FLT4: variants seen among roughly 807,000 people sequenced by gnomAD.
FLT4 encodes the protein vascular endothelial growth factor receptor 3.
FLT4 carries 30 observed loss-of-function variants against 163.2 expected under a neutral mutation model. The ratio of observed to expected loss-of-function variants is 0.18; its 90% CI spans 0.14 to 0.25. The LOEUF (loss-of-function observed/expected upper bound fraction) is 0.25, where lower values mean the gene tolerates loss of function less well. FLT4 is among the 10% of genes least tolerant of loss of function. The probability of loss-of-function intolerance (pLI) is 1.00; values close to 1 mark genes in which losing one functional copy is unlikely to be tolerated. For synonymous variants in FLT4, 884 were observed against 789.5 expected (o/e 1.12, Z -2.01); for missense variants, 1,510 against 1,863.8 (o/e 0.81, Z 3.50).
Position 180,630,282 on chromosome 5 carries a change from G to A in FLT4, c.456C>T (p.Asp152=), listed in dbSNP as rs369161830. 31 of 1,612,502 alleles carry A rather than the reference G, an allele frequency of 1.9e-5. No homozygotes were observed. In the African/African-American group the frequency reaches 2.1e-4, roughly 11 times the overall value. The change falls in exon 4 of 30, where the codon GAC becomes GAT. Residue 152 remains aspartate, a synonymous_variant. Transcript: ENST00000261937. This position sits in a 1 kb window ranked among gnomAD's most constrained non-coding sequence, Gnocchi z 6.3. ...ACACCAGACAGGGCACCCACATGGC[G>A]TCCTTCCTGTTGACCAAGAGCGTGT... The part of the protein sequence containing the change: ...KPDTLLVNRK[D]AMWVPCLVSI...
rs1763109832 is a variant in FLT4, at chr5:180,621,133, C to T, written c.2140G>A (p.Asp714Asn). The T allele has an allele frequency of 6.2e-7, 1 of 1,612,844 alleles. No homozygotes were observed. Among genetic ancestry groups the T allele is most frequent in the Non-Finnish European group, 8.5e-7 (1 of 1,180,000 alleles). ...GACTTTTCCTCCAGCAGCCTCTCGT[C>T]TTTGTACCACACGATGCTGGGCGCG... ...AHAPSIVWYK[D>N]ERLLEEKSGV... Residue 714 changes from aspartate (D) to asparagine (N), a missense_variant, in exon 14 of 30, where the codon GAC becomes AAC. Asp to Asn is a conservative substitution (Grantham distance 23, BLOSUM62 1). Coordinates refer to ENST00000261937, the MANE Select transcript of FLT4 (RefSeq NM_182925.5).
chr5:180,642,890 A>G (rs1765231310), intron 1 of FLT4, among the ~76,000 whole-genome samples: 2 of 152,184 alleles, frequency 1.3e-5, no homozygotes, highest in South Asian at 2.1e-4. Context: ...GCAAGCGTGC[A>G]CCGAGCACTG....
chr5:180,646,773 C>T (rs1765514612), intron 1 of FLT4, among the ~76,000 whole-genome samples: 1 of 152,152 alleles, frequency 6.6e-6, no homozygotes, highest in Non-Finnish European at 1.5e-5. Context: ...AGGCTCCTTC[C>T]CTGGGTCGGG....
chr5:180,605,843 A>T (rs965367770), intron 29 of FLT4, among the ~76,000 whole-genome samples: 3 of 152,216 alleles, frequency 2.0e-5, no homozygotes, highest in African/African-American at 7.2e-5. Flanking sequence ...GTGAAAAGCC[A>T]CATCTATAGG....
At chr5:180,650,039 A>T (rs1436037087), upstream of FLT4, among the ~76,000 whole-genome samples, 3 of 151,042 alleles carry the variant, frequency 2.0e-5, no homozygotes, top group East Asian at 5.9e-4. Context: ...ATAAAATAAT[A>T]CGCCGAGCTT....
intron 10 of FLT4, 125 bp downstream of exon 10, chr5:180,625,744 A>T: frequency 1.1e-6 from 1 of 893,256 alleles, no homozygotes; most frequent in Non-Finnish European, 1.8e-6. Flanking sequence ...TCAAGTTCAG[A>T]GCAGGGCCCT....
chr5:180,629,662 G>T, intron 6 of FLT4, 34 bp downstream of exon 6: 10 of 1,604,846 alleles, frequency 6.2e-6, no homozygotes, highest in Non-Finnish European at 8.5e-6. Context: ...GGACTCCTGG[G>T]GACAGGACAG....
chr5:180,626,487 CA>C (rs1763627347), intron 8 of FLT4, among the ~76,000 whole-genome samples: 1 of 152,186 alleles, frequency 6.6e-6, no homozygotes, highest in Admixed American at 6.5e-5. Context: ...CCGGCTCGGG[CA>C]TTGGTCACTG....
chr5:180,630,611 T>C lies in FLT4; in HGVS notation c.344A>G (p.Tyr115Cys), dbSNP rs1764034351. 1.2e-6 allele frequency: 2 copies of C among 1,612,978 alleles called. No individual in the cohort carries two copies. The highest frequency in any genetic ancestry group is 3.3e-5 in the Admixed American group (2 of 60,012). Residue 115 changes from tyrosine (Y) to cysteine (C), a missense_variant, in exon 3 of 30, where the codon TAC becomes TGC. Coordinates refer to ENST00000261937, the MANE Select transcript of FLT4 (RefSeq NM_182925.5). The surrounding 1 kb of genome is among the most constrained non-coding windows in gnomAD (Gnocchi z 6.3). ...GGTGCCCTCGATGCGTGCCTTGATGTACTTGTAGTAGCAGACGTAGCTGCC... is the reference window on the plus strand; with the variant it reads ...GGTGCCCTCGATGCGTGCCTTGATGCACTTGTAGTAGCAGACGTAGCTGCC... ...DTGSYVCYYKYIKARIEGTTA... is the reference protein window; with the variant it reads ...DTGSYVCYYKCIKARIEGTTA...
Position 180,605,666 on chromosome 5 carries a change from T to C in FLT4, c.3894-2276A>G, listed in dbSNP as rs894034463. ...CATATCTTTGGCATCTCAAGTTCCT[T>C]TGAGCACATTCTTCCTTCTGAAGGC... On this transcript the variant is annotated intron_variant, in intron 29 of 29. Transcript: ENST00000261937. Among the ~76,000 whole-genome samples, 62 of 152,222 alleles carry C rather than the reference T, an allele frequency of 4.1e-4. 2 individuals are homozygous for C. Among genetic ancestry groups the C allele is most frequent in the African/African-American group, 1.4e-3 (57 of 41,462 alleles).
chr5:180,629,291 C>A lies in FLT4; in HGVS notation c.953G>T (p.Arg318Leu). Residue 318 changes from arginine (R) to leucine (L), a missense_variant, in exon 7 of 30, where the codon CGA (arginine) becomes CTA (leucine). This residue lies in a region of FLT4 where 163 missense variants were observed against 281.1 expected (regional missense o/e 0.58). Coordinates refer to ENST00000261937, the MANE Select transcript of FLT4 (RefSeq NM_182925.5). ...AATGACCTCGGTGCTCTCCCGAAAT[C>A]GCTGGATGCCGTTGTTGGCCTTGCA... ...YVCKANNGIQ[R>L]FRESTEVIVH... 6.2e-7 allele frequency: 1 copy of A among 1,613,266 alleles called. No homozygotes were observed. The highest frequency in any genetic ancestry group is 2.2e-5 in the East Asian group (1 of 44,882).
At chr5:180,612,804 A>T (rs1762317385) in intron 25 of FLT4, among the ~76,000 whole-genome samples, 193 bp from the exon 26 acceptor site, 1 of 151,744 alleles carries the variant, frequency 6.6e-6, no homozygotes, top group Non-Finnish European at 1.5e-5. Context: ...TTCCCTGAAC[A>T]CTCGGCTCTG....
chr5:180,649,480 G>C lies in FLT4; in HGVS notation c.58+8C>G, dbSNP rs1043773956. On this transcript the variant is annotated splice_region_variant and intron_variant, in intron 1 of 29. Coordinates refer to ENST00000261937, the MANE Select transcript of FLT4 (RefSeq NM_182925.5). The stretch of plus-strand genomic sequence containing the variant: ...CGCTCGGGCGGGTGGCCCGTTCGCC[G>C]CGCTCACCGTCCAGGAGTCCCAGGC... 2.1e-6 allele frequency: 3 copies of C among 1,457,676 alleles called. No individual in the cohort carries two copies. In the African/African-American group the frequency reaches 4.4e-5, roughly 22 times the overall value. The allele number at this position is 1,457,676 out of a possible 1,614,324, so 90.3% of individuals were successfully genotyped here.
chr5:180,617,195 C>A, intron 21 of FLT4, among the ~76,000 whole-genome samples: 1 of 69,850 alleles, frequency 1.4e-5, no homozygotes, highest in Admixed American at 1.4e-4. Flanking sequence ...CCCTCTCCTG[C>A]CCCTCAGCCT....
At position 180,630,915 on chromosome 5, in the gene FLT4, G is replaced by GC; in HGVS notation, c.156-117dup. 2 of 1,301,204 alleles carry GC rather than the reference G, an allele frequency of 1.5e-6. No individual in the cohort carries two copies. Among genetic ancestry groups the GC allele is most frequent in the Non-Finnish European group, 2.1e-6 (2 of 966,402 alleles). The allele number at this position is 1,301,204 out of a possible 1,614,324, so 80.6% of individuals were successfully genotyped here. A position where few individuals can be genotyped will look rare whatever the true frequency, so the allele number is the denominator to read the frequency against. The stretch of plus-strand genomic sequence containing the variant: ...TTTGTCTTACCCAGAGCATGGAACT[G>GC]CCCAGGGTTTGGGCGCACACTACAG... On this transcript the variant is annotated intron_variant, in intron 2 of 29. Transcript: ENST00000261937. This position sits in a 1 kb window ranked among gnomAD's most constrained non-coding sequence, Gnocchi z 6.3.
chr5:180,618,590 A>C (rs1762856246), intron 21 of FLT4, among the ~76,000 whole-genome samples, 180 bp downstream of exon 21: 1 of 152,240 alleles, frequency 6.6e-6, no homozygotes, highest in South Asian at 2.1e-4. Flanking sequence ...CTGATGACCC[A>C]GTCAATCGTA....
chr5:180,607,962 G>A lies in FLT4; in HGVS notation c.3893+1006C>T, dbSNP rs141221755. On this transcript the variant is annotated intron_variant, in intron 29 of 29. Coordinates refer to ENST00000261937, the MANE Select transcript of FLT4 (RefSeq NM_182925.5). ...AACGCCAGTGTCTGGGAAGGCACCTGTTACTCAGCAGACCATGAAAGGGCG... is the reference window on the plus strand; with the variant it reads ...AACGCCAGTGTCTGGGAAGGCACCTATTACTCAGCAGACCATGAAAGGGCG... The A allele has an allele frequency of 3.6e-4, 222 of 622,748 alleles. 1 individual carries two copies. The East Asian group carries it at 6.0e-3, about 17-fold the overall frequency. 38.6% of individuals were successfully genotyped at this position (622,748 alleles called of 1,614,324 possible).
At chr5:180,626,405 G>A (rs1019059885) in intron 8 of FLT4, 140 bp from the exon 9 acceptor site, 17 of 910,518 alleles carry the variant, frequency 1.9e-5, no homozygotes, top group East Asian at 1.3e-4. Flanking sequence ...ACTGGTCTGC[G>A]AGGGGATGGT....
chr5:180,620,252 C>T lies in FLT4; in HGVS notation c.2463G>A (p.Glu821=), dbSNP rs763049130. ...ATTCGCATTGCTCCTCCAGAGGCAC[C>T]TCCCCGGGGTCCATGATGATGGACA... ...GYLSIIMDPG[E]VPLEEQCEYL... is the part of the protein sequence containing the mutation. The change falls in exon 17 of 30, where the codon GAG becomes GAA. Residue 821 remains glutamate (E), a synonymous_variant. Coordinates refer to ENST00000261937, the MANE Select transcript of FLT4 (RefSeq NM_182925.5). This position sits in a 1 kb window ranked among gnomAD's most constrained non-coding sequence, Gnocchi z 4.4. 6.2e-7 allele frequency: 1 copy of T among 1,612,116 alleles called. No individual in the cohort carries two copies. Among genetic ancestry groups the T allele is most frequent in the Admixed American group, 1.7e-5 (1 of 60,016 alleles).
Sources: allele counts gnomAD v4.1 joint callset (sites outside exome capture counted in the v4.1 genomes callset), GRCh38; gene constraint gnomAD v4.1.1; regional missense constraint gnomAD v4.1.1; non-coding constraint Gnocchi (gnomAD v3.1); transcripts MANE v1.5; gene names NCBI Gene and HGNC (gene_info 2026-07-23, HGNC 2026-07-21).